MTHFD1L: variants seen among roughly 807,000 people sequenced by gnomAD.
MTHFD1L encodes the protein monofunctional C1-tetrahydrofolate synthase, mitochondrial.
A neutral mutation model predicts 119.5 loss-of-function variants in MTHFD1L; 81 were observed. The observed-to-expected ratio is 0.68, with a 90% CI of 0.57 to 0.82. MTHFD1L has a LOEUF of 0.82. Ranked by LOEUF, MTHFD1L falls within the 40% of genes least tolerant of loss-of-function variation. MTHFD1L has a pLI of 0.00. For synonymous variants in MTHFD1L, 430 were observed against 475.2 expected (o/e 0.90, Z 1.24); for missense variants, 1,125 against 1,253.4 (o/e 0.90, Z 1.55).
intron 7 of MTHFD1L, among the ~76,000 whole-genome samples, chr6:150,901,070 T>A (rs1785035588): frequency 6.6e-6 from 1 of 151,862 alleles, no homozygotes; most frequent in Non-Finnish European, 1.5e-5. Flanking sequence ...CTGAGAAAAG[T>A]GATGTTTTTC....
At chr6:151,068,252 CCA>C (rs1791546085) in intron 26 of MTHFD1L, among the ~76,000 whole-genome samples, 1 of 152,232 alleles carries the variant, frequency 6.6e-6, no homozygotes, top group East Asian at 1.9e-4. Flanking sequence ...GCCCGCCTGA[CCA>C]CACTGCAGTG....
At chr6:151,080,700 T>C (rs1793058224) in intron 26 of MTHFD1L, among the ~76,000 whole-genome samples, 1 of 152,214 alleles carries the variant, frequency 6.6e-6, no homozygotes. Context: ...TTTTATTTTC[T>C]CACAGTTCTG....
intron 18 of MTHFD1L, among the ~76,000 whole-genome samples, chr6:150,963,492 A>G (rs1796754343): frequency 7.0e-6 from 1 of 142,554 alleles, no homozygotes; most frequent in African/African-American, 2.5e-5. Context: ...ATACAGTTTT[A>G]TCTGTCAATT....
intron 4 of MTHFD1L, among the ~76,000 whole-genome samples, chr6:150,882,115 C>T (rs571769128): frequency 3.9e-5 from 6 of 152,298 alleles, no homozygotes; most frequent in African/African-American, 1.4e-4. Flanking sequence ...CATTTATTAG[C>T]TTCCCAAAAT....
At chr6:150,950,334 G>C (rs1555178) in intron 16 of MTHFD1L, among the ~76,000 whole-genome samples, 47,395 of 152,038 alleles carry the variant, frequency 0.31, 7,819 homozygotes, top group East Asian at 0.46. Context: ...CTAGGCCAGT[G>C]TTGCCCTCTA....
At position 150,926,350 on chromosome 6, in the gene MTHFD1L, C is replaced by A; in HGVS notation, c.1256+55C>A. 26 of 1,485,098 alleles carry A rather than the reference C, an allele frequency of 1.8e-5. No homozygotes were observed. The highest frequency in any genetic ancestry group is 2.3e-5 in the Non-Finnish European group (25 of 1,079,146). 92.0% of individuals were successfully genotyped at this position (1,485,098 alleles called of 1,614,324 possible). A position where few individuals can be genotyped will look rare whatever the true frequency, so the allele number is the denominator to read the frequency against. On this transcript the variant is annotated intron_variant, in intron 11 of 27. Coordinates refer to ENST00000367321, the MANE Select transcript of MTHFD1L (RefSeq NM_015440.5). The surrounding 1 kb of genome is among the most constrained non-coding windows in gnomAD (Gnocchi z 4.3). ...AAGCAGACATATTTACAAAACTCTT[C>A]CCTATTTATCTCTCTCCTCGTACCC...
rs547919464 is a variant in MTHFD1L, at chr6:151,020,047, T to C, written c.2586+4354T>C. On this transcript the variant is annotated intron_variant, in intron 24 of 27. Transcript: ENST00000367321. ...AAAGAAGTTATAAATGCTTTGCATA[T>C]GACACTCTCCCACCTTTGCTTCTCA... Among the ~76,000 whole-genome samples the C allele has an allele frequency of 2.6e-5, 4 of 152,330 alleles. No homozygotes were observed. The East Asian group carries it at 7.7e-4, about 29-fold the overall frequency.
chr6:151,099,691 C>A, intron 27 of MTHFD1L: 1 of 1,607,612 alleles, frequency 6.2e-7, no homozygotes. Context: ...GATCTTGATG[C>A]CCAACACTGG....
At chr6:151,047,341 T>C (rs1250024193) in intron 26 of MTHFD1L, among the ~76,000 whole-genome samples, 2 of 152,358 alleles carry the variant, frequency 1.3e-5, no homozygotes, top group Middle Eastern at 3.4e-3. Flanking sequence ...CTGGGTATCA[T>C]TGAAAATTCA....
At chr6:151,091,071 T>TCTATGCGACTGGGTGCAGCATCGCC (rs1562651804) in intron 26 of MTHFD1L, among the ~76,000 whole-genome samples, 3 of 119,750 alleles carry the variant, frequency 2.5e-5, no homozygotes, top group African/African-American at 7.2e-5. Flanking sequence ...GCAGCATCGT[T>TCTATGCGACTGGGTGCAGCATCGCC]CCATGCGACT....
At chr6:150,905,893 T>TA in intron 8 of MTHFD1L, 132 bp downstream of exon 8, 3 of 691,952 alleles carry the variant, frequency 4.3e-6, no homozygotes, top group East Asian at 5.8e-5. Context: ...GTAGGAAACT[T>TA]AGACTGTGGG....
chr6:150,870,885 C>G (rs1396464538), intron 1 of MTHFD1L, among the ~76,000 whole-genome samples: 3 of 149,846 alleles, frequency 2.0e-5, no homozygotes, highest in Non-Finnish European at 4.4e-5. Context: ...CCACTACACT[C>G]CAGCCTGGGA....
At chr6:151,013,690 T>C (rs897372047) in intron 21 of MTHFD1L, 89 bp from the exon 22 acceptor site, 39 of 1,205,738 alleles carry the variant, frequency 3.2e-5, no homozygotes, top group Non-Finnish European at 4.2e-5. Flanking sequence ...TTTCTAAAAA[T>C]TGAATGTGAT....
chr6:150,979,452 T>A (rs1237955491), intron 20 of MTHFD1L, among the ~76,000 whole-genome samples: 1 of 152,196 alleles, frequency 6.6e-6, no homozygotes, highest in Non-Finnish European at 1.5e-5. Context: ...TCCCACTGTT[T>A]CCTTGCTCTA....
intron 19 of MTHFD1L, 43 bp downstream of exon 19, chr6:150,965,080 A>T (rs1796995792): frequency 6.4e-7 from 1 of 1,562,350 alleles, no homozygotes; most frequent in African/African-American, 1.4e-5. Context: ...CATTAACTGG[A>T]TTGCCACACA....
At chr6:151,028,817 T>C (rs1354048774) in intron 24 of MTHFD1L, among the ~76,000 whole-genome samples, 1 of 152,214 alleles carries the variant, frequency 6.6e-6, no homozygotes, top group Non-Finnish European at 1.5e-5. Flanking sequence ...AGCTTGCGGC[T>C]GTAATCCCAG....
chr6:150,865,768 C>A lies in MTHFD1L; in HGVS notation c.-55C>A, dbSNP rs1778187596. ...CCGCCTGCTCCCCTGGCACGCGCCC[C>A]GCCGCCCTCGGCAGCCGCAGCTCCG... is the stretch of plus-strand genomic sequence containing the variant. On this transcript the variant is annotated 5_prime_UTR_variant, in exon 1 of 28. Transcript: ENST00000367321. 1 of 1,230,788 alleles carries A rather than the reference C, an allele frequency of 8.1e-7. No individual in the cohort carries two copies. The allele number at this position is 1,230,788 out of a possible 1,614,324, so 76.2% of individuals were successfully genotyped here. A position where few individuals can be genotyped will look rare whatever the true frequency, so the allele number is the denominator to read the frequency against.
Position 151,050,663 on chromosome 6 carries a change from C to G in MTHFD1L, c.2847+13546C>G, listed in dbSNP as rs144047394. ...GGCCCTGTGGGATCTGACACTATCT[C>G]TGGGTAGACAGGGTCGGAACTGAAC... is the stretch of plus-strand genomic sequence containing the variant. On this transcript the variant is annotated intron_variant, in intron 26 of 27. Coordinates refer to ENST00000367321, the MANE Select transcript of MTHFD1L (RefSeq NM_015440.5). Among the ~76,000 whole-genome samples the G allele has an allele frequency of 4.9e-3, 741 of 152,130 alleles. 2 individuals carry two copies. The highest frequency in any genetic ancestry group is 0.017 in the African/African-American group (724 of 41,498).
chr6:150,934,423 A>G (rs1429814778), intron 11 of MTHFD1L, among the ~76,000 whole-genome samples: 1 of 152,060 alleles, frequency 6.6e-6, no homozygotes, highest in Admixed American at 6.6e-5. Flanking sequence ...TGACTGCCCT[A>G]TTTCCCTGTC....
Sources: allele counts gnomAD v4.1 joint callset (sites outside exome capture counted in the v4.1 genomes callset), GRCh38; gene constraint gnomAD v4.1.1; non-coding constraint Gnocchi (gnomAD v3.1); transcripts MANE v1.5; gene names NCBI Gene and HGNC (gene_info 2026-07-23, HGNC 2026-07-21).